Variants in CLSTN2 observed in about 807,000 individuals in gnomAD.
CLSTN2 encodes the protein calsyntenin-2.
Under a neutral mutation model 101.2 loss-of-function variants are expected in CLSTN2, and 48 were observed. The observed-to-expected ratio is 0.47, with a 90% CI of 0.38 to 0.60. The LOEUF is 0.60. CLSTN2 is among the 20% of genes least tolerant of loss of function. The probability of loss-of-function intolerance (pLI) is 0.00; values close to 1 mark genes in which losing one functional copy is unlikely to be tolerated. For synonymous variants in CLSTN2, 481 were observed against 463.6 expected, an observed-to-expected ratio of 1.04 and a Z score of -0.48; for missense variants, 1,160 against 1,238.2, an observed-to-expected ratio of 0.94 and a Z score of 0.95.
intron 2 of CLSTN2, among the ~76,000 whole-genome samples, chr3:140,401,207 G>A (rs2088237740): frequency 6.6e-6 from 1 of 152,266 alleles, no homozygotes; most frequent in Non-Finnish European, 1.5e-5. Flanking sequence ...GTCAGGTGAA[G>A]AGGTGGGATA....
chr3:140,312,996 T>C (rs1411968641), intron 2 of CLSTN2, among the ~76,000 whole-genome samples: 1 of 152,202 alleles, frequency 6.6e-6, no homozygotes, highest in Non-Finnish European at 1.5e-5. Context: ...AAGAAAACAT[T>C]TTAAAGAAGC....
chr3:140,308,592 A>G (rs2087135835), intron 2 of CLSTN2, among the ~76,000 whole-genome samples: 1 of 152,252 alleles, frequency 6.6e-6, no homozygotes, highest in African/African-American at 2.4e-5. Flanking sequence ...TGTGTGAGGC[A>G]TTAAAATCAG....
intron 2 of CLSTN2, among the ~76,000 whole-genome samples, chr3:140,248,734 T>C (rs1034698437): frequency 6.6e-6 from 1 of 152,182 alleles, no homozygotes; most frequent in African/African-American, 2.4e-5. Context: ...ATTCCTCCAG[T>C]TGAGTGCTTT....
At chr3:140,080,879 A>AG (rs768975137) in intron 1 of CLSTN2, among the ~76,000 whole-genome samples, 8 of 152,326 alleles carry the variant, frequency 5.3e-5, no homozygotes, top group Non-Finnish European at 1.0e-4. Context: ...CAAGGCTATA[A>AG]GGGTGGAAAC....
intron 2 of CLSTN2, among the ~76,000 whole-genome samples, chr3:140,222,888 A>AAC: frequency 6.7e-6 from 1 of 150,214 alleles, no homozygotes; most frequent in East Asian, 1.9e-4. Context: ...AAAAAAAAAA[A>AAC]CACTGCTATG....
intron 8 of CLSTN2, among the ~76,000 whole-genome samples, chr3:140,503,675 A>G (rs1034816365): frequency 6.6e-6 from 1 of 152,258 alleles, no homozygotes; most frequent in Non-Finnish European, 1.5e-5. Flanking sequence ...GAATGCTCTT[A>G]ATGAGCCAGC....
intron 2 of CLSTN2, among the ~76,000 whole-genome samples, chr3:140,217,978 A>T (rs1256159320): frequency 2.6e-5 from 4 of 152,208 alleles, no homozygotes; most frequent in Non-Finnish European, 4.4e-5. Context: ...CCTTAATTTG[A>T]TGACTCAATA....
At chr3:140,412,747 T>G (rs994530223) in intron 4 of CLSTN2, among the ~76,000 whole-genome samples, 1 of 152,142 alleles carries the variant, frequency 6.6e-6, no homozygotes, top group Non-Finnish European at 1.5e-5. Flanking sequence ...GACAAAAAGC[T>G]AGAAAATTCA....
chr3:140,248,312 A>G (rs893833858), intron 2 of CLSTN2, among the ~76,000 whole-genome samples: 5 of 152,244 alleles, frequency 3.3e-5, no homozygotes, highest in African/African-American at 1.2e-4. Context: ...CACCACCAGG[A>G]ACAAGGAGCT....
intron 8 of CLSTN2, among the ~76,000 whole-genome samples, chr3:140,497,376 C>T (rs1415060396): frequency 6.6e-6 from 1 of 152,022 alleles, no homozygotes; most frequent in African/African-American, 2.4e-5. Context: ...ATTGGGGGTC[C>T]CATTTGAAAA....
intron 8 of CLSTN2, among the ~76,000 whole-genome samples, chr3:140,529,810 A>G (rs1048337010): frequency 3.9e-5 from 6 of 152,146 alleles, no homozygotes; most frequent in African/African-American, 1.4e-4. Context: ...CACACCAACA[A>G]TGCTCTCCCT....
intron 2 of CLSTN2, among the ~76,000 whole-genome samples, chr3:140,291,394 T>TC (rs376446915): frequency 0.01 from 1,548 of 149,218 alleles, 16 homozygotes; most frequent in Non-Finnish European, 0.016. Flanking sequence ...GTGCTTCCCC[T>TC]CCCCCCCCAA....
rs931638443 is a variant in CLSTN2 at position 140,575,369 on chromosome 3, C to T, written c.*9116C>T. ...ATTGCTCTGTATCTAAAGATGCATC[C>T]AAGTTTGCAAAAAATTATGGGTAAA... On this transcript the variant is annotated 3_prime_UTR_variant, in exon 17 of 17. Transcript: ENST00000458420. 4 of 152,084 alleles carry T rather than the reference C, an allele frequency of 2.6e-5. No individual in the cohort carries two copies. Among genetic ancestry groups the T allele is most frequent in the African/African-American group, 9.7e-5 (4 of 41,412 alleles). 9.4% of individuals were successfully genotyped at this position (152,084 alleles called of 1,614,324 possible).
At chr3:140,523,999 T>G (rs187007302) in intron 8 of CLSTN2, among the ~76,000 whole-genome samples, 14 of 152,200 alleles carry the variant, frequency 9.2e-5, no homozygotes, top group Non-Finnish European at 1.6e-4. Context: ...CCCTCTCTAG[T>G]GGGTATTGTA....
intron 2 of CLSTN2, among the ~76,000 whole-genome samples, chr3:140,329,980 G>C (rs2087366859): frequency 6.6e-6 from 1 of 152,250 alleles, no homozygotes. Flanking sequence ...GGCAGGATGT[G>C]ATGCCAGCAC....
intron 1 of CLSTN2, among the ~76,000 whole-genome samples, chr3:139,941,121 G>A (rs1399759789): frequency 2.0e-5 from 3 of 152,154 alleles, no homozygotes; most frequent in Non-Finnish European, 4.4e-5. Flanking sequence ...GCTTGAAATC[G>A]ATGATTGTTT....
At chr3:140,307,854 C>T (rs1393036803) in intron 2 of CLSTN2, among the ~76,000 whole-genome samples, 1 of 152,156 alleles carries the variant, frequency 6.6e-6, no homozygotes, top group African/African-American at 2.4e-5. Context: ...AGAGCAATGC[C>T]AAACCAATTA....
Position 140,556,602 on chromosome 3 carries a change from C to T in CLSTN2, c.1764C>T (p.Ile588=). ...INRALQKVSY[I]NSRQFPTAGV... Reference sequence around the variant, plus strand: ...GTGCTCTCCAGAAAGTCTCCTACATCAACTCCAGGCAGTTCCCAACGGCGG... The same window carrying T: ...GTGCTCTCCAGAAAGTCTCCTACATTAACTCCAGGCAGTTCCCAACGGCGG... Residue 588 remains isoleucine, a synonymous_variant, in exon 11 of 17, where the codon ATC becomes ATT. Transcript: ENST00000458420. 1 of 1,614,142 alleles carries T rather than the reference C, an allele frequency of 6.2e-7. No homozygotes were observed. The highest frequency in any genetic ancestry group is 8.5e-7 in the Non-Finnish European group (1 of 1,179,998).
In CLSTN2 at chr3:140,335,497, T is replaced by C. The variant is rs532803552; in HGVS notation, c.233-68132T>C. On this transcript the variant is annotated intron_variant, in intron 2 of 16. Coordinates refer to ENST00000458420, the MANE Select transcript of CLSTN2 (RefSeq NM_022131.3). The stretch of plus-strand genomic sequence containing the variant: ...CCACTGACCCTGGAAGTGGCTATTA[T>C]CTGACCTGAGTCAAAAGGCACAGTG... 2.7e-4 allele frequency among the ~76,000 whole-genome samples: 40 copies of C among 150,230 alleles called. No individual in the cohort carries two copies. In the South Asian group the frequency reaches 5.7e-3, roughly 21 times the overall value.
Sources: allele counts gnomAD v4.1 joint callset (sites outside exome capture counted in the v4.1 genomes callset), GRCh38; gene constraint gnomAD v4.1.1; transcripts MANE v1.5; gene names NCBI Gene and HGNC (gene_info 2026-07-23, HGNC 2026-07-21).